MGLL: variants seen among roughly 807,000 people sequenced by gnomAD.
MGLL encodes monoglyceride lipase.
A neutral mutation model predicts 29.1 loss-of-function variants in MGLL; 7 were observed. The ratio of observed to expected loss-of-function variants is 0.24; its 90% CI spans 0.14 to 0.45. The LOEUF (loss-of-function observed/expected upper bound fraction) is 0.45, where lower values mean the gene tolerates loss of function less well. Among genes scored for constraint, MGLL ranks in the 20% least tolerant of loss-of-function variants. MGLL has a pLI of 0.99. For synonymous variants in MGLL, 148 were observed against 168.3 expected (o/e 0.88, Z 0.93); for missense variants, 356 against 413.6 (o/e 0.86, Z 1.21).
chr3:127,715,975 G>A, intron 5 of MGLL: 1 of 376,670 alleles, frequency 2.7e-6, no homozygotes, highest in Non-Finnish European at 5.3e-6. Flanking sequence ...CAGGAGAGAG[G>A]AGCCCCTGCA....
chr3:127,707,260 C>G (rs990561637), intron 6 of MGLL, among the ~76,000 whole-genome samples: 2 of 152,222 alleles, frequency 1.3e-5, no homozygotes, highest in Non-Finnish European at 2.9e-5. Context: ...GCCTCCACCC[C>G]TTCCACAGCC....
intron 3 of MGLL, among the ~76,000 whole-genome samples, chr3:127,723,406 C>T (rs2075970947): frequency 6.6e-6 from 1 of 152,224 alleles, no homozygotes; most frequent in Admixed American, 6.5e-5. Flanking sequence ...TAAGCCTCTG[C>T]CACCTCTGGG....
At chr3:127,752,523 T>C (rs907469924) in intron 3 of MGLL, among the ~76,000 whole-genome samples, 4 of 152,210 alleles carry the variant, frequency 2.6e-5, no homozygotes, top group Non-Finnish European at 5.9e-5. Flanking sequence ...TTTTTAATCA[T>C]GGCAAAGGAT....
intron 5 of MGLL, 70 bp downstream of exon 5, chr3:127,720,983 C>T: frequency 7.4e-7 from 1 of 1,352,406 alleles, no homozygotes. Flanking sequence ...TACATAGACT[C>T]AGGCTACAAA....
At chr3:127,797,804 A>G (rs1323183504) in intron 2 of MGLL, among the ~76,000 whole-genome samples, 1 of 152,086 alleles carries the variant, frequency 6.6e-6, no homozygotes, top group Non-Finnish European at 1.5e-5. Context: ...ACAGGGTTTC[A>G]CCATGTTGCC....
At chr3:127,693,889 C>A (rs1485272589) in intron 7 of MGLL, among the ~76,000 whole-genome samples, 1 of 152,204 alleles carries the variant, frequency 6.6e-6, no homozygotes, top group Non-Finnish European at 1.5e-5. Context: ...GGACTCCTTT[C>A]GCAGGGACTT....
chr3:127,769,468 C>A (rs1487032580), intron 3 of MGLL, among the ~76,000 whole-genome samples: 1 of 152,252 alleles, frequency 6.6e-6, no homozygotes, highest in Non-Finnish European at 1.5e-5. Context: ...AGACGCTGCC[C>A]TCACTTAGTG....
intron 3 of MGLL, among the ~76,000 whole-genome samples, chr3:127,754,124 T>C (rs1042047797): frequency 2.6e-5 from 4 of 152,174 alleles, no homozygotes. Flanking sequence ...GGCCACAGCC[T>C]CCCGCTCACC....
chr3:127,810,396 G>A (rs1161782676), intron 2 of MGLL, among the ~76,000 whole-genome samples: 3 of 152,224 alleles, frequency 2.0e-5, no homozygotes, highest in African/African-American at 7.2e-5. Flanking sequence ...TCGGACTCCA[G>A]TTTCCAAATA....
intron 3 of MGLL, among the ~76,000 whole-genome samples, chr3:127,775,510 C>T (rs2077019252): frequency 6.6e-6 from 1 of 152,046 alleles, no homozygotes; most frequent in Non-Finnish European, 1.5e-5. Context: ...GACCCACCCG[C>T]CAAGGAGAAC....
At chr3:127,814,925 T>C (rs923174152) in intron 2 of MGLL, among the ~76,000 whole-genome samples, 7 of 152,234 alleles carry the variant, frequency 4.6e-5, no homozygotes, top group African/African-American at 1.7e-4. Context: ...ATGGACTACT[T>C]AAAAGGTGCT....
intron 3 of MGLL, among the ~76,000 whole-genome samples, chr3:127,734,425 C>G (rs964610121): frequency 2.6e-5 from 4 of 152,112 alleles, no homozygotes; most frequent in Non-Finnish European, 5.9e-5. Context: ...GCAGTGCGCC[C>G]GTGCCTTCAT....
chr3:127,695,203 G>A lies in MGLL; in HGVS notation c.601-13C>T. The A allele has an allele frequency of 1.9e-6, 3 of 1,611,778 alleles. No homozygotes were observed. The highest frequency in any genetic ancestry group is 2.5e-6 in the Non-Finnish European group (3 of 1,178,150). ...TATAAATGTCGACCTGGAGGAAGAA[G>A]GAGAGGGTTCCATCAGCATGGGCAG... On this transcript the variant is annotated splice_polypyrimidine_tract_variant and intron_variant, in intron 6 of 7. Transcript: ENST00000265052.
At chr3:127,808,937 A>G (rs2077613197) in intron 2 of MGLL, among the ~76,000 whole-genome samples, 1 of 151,886 alleles carries the variant, frequency 6.6e-6, no homozygotes, top group Non-Finnish European at 1.5e-5. Flanking sequence ...ATCAGAACAT[A>G]CCTGGTGGTT....
At chr3:127,710,732 A>T (rs1421515723) in intron 5 of MGLL, 67 bp from the exon 6 acceptor site, 16 of 1,316,186 alleles carry the variant, frequency 1.2e-5, no homozygotes, top group Non-Finnish European at 1.6e-5. Flanking sequence ...TTCCGCAGTG[A>T]CAGTTTACAG....
At chr3:127,712,541 C>T (rs950012353) in intron 5 of MGLL, 1 of 152,256 alleles carries the variant, frequency 6.6e-6, no homozygotes, top group African/African-American at 2.4e-5. Flanking sequence ...GTGGCAGCCC[C>T]CTGCCTCTGA....
intron 2 of MGLL, among the ~76,000 whole-genome samples, chr3:127,806,908 A>C (rs2077577252): frequency 6.6e-6 from 1 of 152,182 alleles, no homozygotes; most frequent in African/African-American, 2.4e-5. Context: ...AGTATTTGTT[A>C]AGTATTTTTG....
At chr3:127,720,257 G>A (rs1334040789) in intron 5 of MGLL, among the ~76,000 whole-genome samples, 2 of 152,208 alleles carry the variant, frequency 1.3e-5, no homozygotes, top group Admixed American at 6.5e-5. Flanking sequence ...AGCAGCCCCT[G>A]CCCAGCACTG....
chr3:127,726,121 A>AAAGC, intron 3 of MGLL, among the ~76,000 whole-genome samples: 1 of 19,950 alleles, frequency 5.0e-5, no homozygotes, highest in African/African-American at 1.7e-4. Flanking sequence ...AGAAAGCAGG[A>AAAGC]AAGAAAGAAA....
Sources: allele counts gnomAD v4.1 joint callset (sites outside exome capture counted in the v4.1 genomes callset), GRCh38; gene constraint gnomAD v4.1.1; transcripts MANE v1.5; gene names NCBI Gene and HGNC (gene_info 2026-07-23, HGNC 2026-07-21).